The following C6 variants were observed in gnomAD, a reference collection of about 807,000 sequenced individuals.
C6 encodes the protein complement C6.
C6 carries 101 observed loss-of-function variants against 112.9 expected under a neutral mutation model. That is an observed-to-expected ratio of 0.89 (90% CI 0.76 to 1.06). C6 has a LOEUF of 1.06. C6 is among the 50% of genes least tolerant of loss of function. The probability of loss-of-function intolerance (pLI) is 0.00; values close to 1 mark genes in which losing one functional copy is unlikely to be tolerated. For synonymous variants in C6, 431 were observed against 384.1 expected, an observed-to-expected ratio of 1.12 and a Z score of -1.43; for missense variants, 1,202 against 1,104.6, an observed-to-expected ratio of 1.09 and a Z score of -1.25.
intron 1 of C6, among the ~76,000 whole-genome samples, chr5:41,211,856 T>C (rs1751959907): frequency 6.6e-6 from 1 of 152,214 alleles, no homozygotes; most frequent in Non-Finnish European, 1.5e-5. Context: ...GAAGTTAAAT[T>C]GCAAGAGATT....
intron 1 of C6, among the ~76,000 whole-genome samples, chr5:41,230,340 C>A (rs899451651): frequency 1.3e-5 from 2 of 152,036 alleles, no homozygotes; most frequent in Non-Finnish European, 2.9e-5. Context: ...TCAGTGAATT[C>A]TTTTCCCAGC....
chr5:41,194,422 C>A (rs1032951122), intron 5 of C6, among the ~76,000 whole-genome samples: 1 of 152,140 alleles, frequency 6.6e-6, no homozygotes. Flanking sequence ...TAGAACTCAG[C>A]TCCTCTTACT....
Position 41,160,219 on chromosome 5 carries a change from C to T in C6, c.1607G>A (p.Gly536Glu). ...CTGACACACACACAGACATTCAGTC[C>T]CTGAGAGGGTGGGTCGGCCATTATT... ...CPNNGRPTLS[G>E]TECLCVCQSG... Residue 536 changes from glycine to glutamate, a missense_variant, in exon 11 of 18, where the codon GGG becomes GAG. Coordinates refer to ENST00000337836, the MANE Select transcript of C6 (RefSeq NM_000065.5). 1 of 1,613,802 alleles carries T rather than the reference C, an allele frequency of 6.2e-7. No individual in the cohort carries two copies. The highest frequency in any genetic ancestry group is 1.1e-5 in the South Asian group (1 of 91,070).
Position 41,181,477 on chromosome 5 carries a change from G to A in C6, c.809C>T (p.Ser270Leu), listed in dbSNP as rs1317866604. ...AGAGCTCCCCCCCTGACTTGAGAAT[G>A]AGCCTTGTTGATTTTCATTGTGTCC... ...SLGHNENQQG[S>L]FSSQGGSSFS... The change falls in exon 7 of 18, where the codon TCA becomes TTA. Residue 270 changes from serine to leucine, a missense_variant. Coordinates refer to ENST00000337836, the MANE Select transcript of C6 (RefSeq NM_000065.5). 11 of 1,613,552 alleles carry A rather than the reference G, an allele frequency of 6.8e-6. No individual in the cohort carries two copies. In the South Asian group the frequency reaches 9.9e-5, roughly 14 times the overall value.
chr5:41,170,847 A>T (rs986431897), intron 9 of C6, among the ~76,000 whole-genome samples: 2 of 152,158 alleles, frequency 1.3e-5, no homozygotes, highest in Admixed American at 1.3e-4. Flanking sequence ...TTTTACAGAG[A>T]GGAAGGAGTT....
chr5:41,228,587 G>T (rs1561191348), intron 1 of C6, among the ~76,000 whole-genome samples: 2 of 152,030 alleles, frequency 1.3e-5, no homozygotes, highest in Admixed American at 6.6e-5. Context: ...TTTAGCTGTG[G>T]GTTTGTCACA....
Position 41,142,794 on chromosome 5 carries a change from GT to G in C6, c.*30del. ...GTTGGTTCTTCGGGATGGTAAATCTGTTCATTGTGCTGGGCCTAGCAGTAAT... is the reference window on the plus strand; with the variant it reads ...GTTGGTTCTTCGGGATGGTAAATCTGTCATTGTGCTGGGCCTAGCAGTAAT... On this transcript the variant is annotated 3_prime_UTR_variant, in exon 18 of 18. Coordinates refer to ENST00000337836, the MANE Select transcript of C6 (RefSeq NM_000065.5). The G allele has an allele frequency of 6.4e-7, 1 of 1,558,554 alleles. No individual in the cohort carries two copies. The highest frequency in any genetic ancestry group is 8.9e-7 in the Non-Finnish European group (1 of 1,129,806).
intron 1 of C6, among the ~76,000 whole-genome samples, chr5:41,219,582 A>G (rs991267387): frequency 7.9e-5 from 12 of 152,198 alleles, no homozygotes; most frequent in Admixed American, 5.9e-4. Flanking sequence ...GATAGCAGTG[A>G]TATAATCCTC....
chr5:41,174,985 A>G lies in C6; in HGVS notation c.1168+1490T>C, dbSNP rs561675186. Among the ~76,000 whole-genome samples, 3 of 152,346 alleles carry G rather than the reference A, an allele frequency of 2.0e-5. No individual in the cohort carries two copies. The East Asian group carries it at 5.8e-4, about 29-fold the overall frequency. ...TTTAACAACAATTAAAATTTTACAG[A>G]TAAATTATTCCATATAAACTTATTG... is the stretch of plus-strand genomic sequence containing the variant. On this transcript the variant is annotated intron_variant, in intron 8 of 17. Transcript: ENST00000337836.
At chr5:41,163,310 CTTTT>C (rs35341613) in intron 9 of C6, among the ~76,000 whole-genome samples, 2 of 134,544 alleles carry the variant, frequency 1.5e-5, no homozygotes, top group African/African-American at 5.4e-5. Context: ...TATCAATGAA[CTTTT>C]TTTTTTTTTT....
intron 5 of C6, 80 bp from the exon 6 acceptor site, chr5:41,186,288 C>T: frequency 6.7e-7 from 1 of 1,496,560 alleles, no homozygotes; most frequent in Non-Finnish European, 9.2e-7. Context: ...GAAAGGAATT[C>T]CTCTTCTAAA....
At chr5:41,199,710 C>A (rs1410451794) in intron 4 of C6, 58 bp downstream of exon 4, 1 of 1,542,846 alleles carries the variant, frequency 6.5e-7, no homozygotes, top group African/African-American at 1.4e-5. Flanking sequence ...ATTGGAGTAA[C>A]TTTGATTTAG....
intron 15 of C6, among the ~76,000 whole-genome samples, chr5:41,153,591 C>T (rs996208182): frequency 2.6e-5 from 4 of 152,270 alleles, no homozygotes; most frequent in South Asian, 2.1e-4. Context: ...CTTTCTTTCA[C>T]ACGTTATAAA....
intron 1 of C6, among the ~76,000 whole-genome samples, chr5:41,257,849 A>T (rs1041897717): frequency 6.6e-6 from 1 of 151,808 alleles, no homozygotes; most frequent in Non-Finnish European, 1.5e-5. Context: ...TAATTATCAA[A>T]TTTTCTTGCT....
intron 9 of C6, among the ~76,000 whole-genome samples, chr5:41,169,449 C>T (rs996292912): frequency 6.6e-6 from 1 of 152,124 alleles, no homozygotes; most frequent in African/African-American, 2.4e-5. Context: ...GGTTACATTA[C>T]ACTGGCAATT....
At chr5:41,257,207 T>G (rs1463836165) in intron 1 of C6, among the ~76,000 whole-genome samples, 1 of 152,166 alleles carries the variant, frequency 6.6e-6, no homozygotes, top group African/African-American at 2.4e-5. Context: ...TGGTGTCTAT[T>G]GTTCCCATCT....
At chr5:41,222,629 G>GA (rs969160558) in intron 1 of C6, among the ~76,000 whole-genome samples, 1 of 151,966 alleles carries the variant, frequency 6.6e-6, no homozygotes, top group African/African-American at 2.4e-5. Flanking sequence ...GAAATTAAAA[G>GA]AAAAAATAGT....
chr5:41,204,560 A>C (rs936922694), intron 1 of C6, among the ~76,000 whole-genome samples: 2 of 152,136 alleles, frequency 1.3e-5, no homozygotes, highest in Non-Finnish European at 2.9e-5. Flanking sequence ...TCATCATTTG[A>C]TAAATCTTGG....
chr5:41,258,921 TA>T (rs1350034868), intron 1 of C6, among the ~76,000 whole-genome samples: 19 of 152,158 alleles, frequency 1.2e-4, no homozygotes, highest in Non-Finnish European at 1.8e-4. Flanking sequence ...ATGATCCAAT[TA>T]CCTTCATCTG....
Sources: gnomAD v4.1 joint callset for allele counts (sites outside exome capture counted in the v4.1 genomes callset) on GRCh38, gnomAD v4.1.1 for gene constraint, MANE v1.5 for transcripts, NCBI Gene and HGNC (gene_info 2026-07-23, HGNC 2026-07-21) for gene names.